Variants in NRG3 observed in about 807,000 individuals in gnomAD.
The protein encoded by NRG3 is neuregulin 3.
Under a neutral mutation model 66.9 loss-of-function variants are expected in NRG3, and 31 were observed. The observed-to-expected ratio is 0.46, with a 90% CI of 0.35 to 0.63. The LOEUF is 0.63. Among genes scored for constraint, NRG3 ranks in the 20% least tolerant of loss-of-function variants. The probability of loss-of-function intolerance (pLI) is 0.00; values close to 1 mark genes in which losing one functional copy is unlikely to be tolerated. For missense variants in NRG3, 910 were observed against 878.9 expected (o/e 1.04, Z -0.45); for synonymous variants, 393 against 359.4 (o/e 1.09, Z -1.06).
intron 2 of NRG3, among the ~76,000 whole-genome samples, chr10:82,549,769 A>G (rs1414809574): frequency 6.6e-6 from 1 of 152,120 alleles, no homozygotes; most frequent in African/African-American, 2.4e-5. Context: ...AGGCATATTT[A>G]TAACATCAGT....
At chr10:82,309,330 T>C (rs1448426659) in intron 1 of NRG3, among the ~76,000 whole-genome samples, 1 of 152,226 alleles carries the variant, frequency 6.6e-6, no homozygotes, top group African/African-American at 2.4e-5. Context: ...TCTATACTTA[T>C]AAACTTCCAG....
At chr10:81,964,395 C>CAAAAAA (rs58231167) in intron 1 of NRG3, among the ~76,000 whole-genome samples, 5 of 65,836 alleles carry the variant, frequency 7.6e-5, no homozygotes, top group Non-Finnish European at 1.6e-4. Flanking sequence ...GACTCTGTCT[C>CAAAAAA]AAAAAAAAAA....
At chr10:82,352,879 A>G (rs952320884) in intron 1 of NRG3, among the ~76,000 whole-genome samples, 5 of 134,592 alleles carry the variant, frequency 3.7e-5, no homozygotes, top group Admixed American at 7.3e-5. Context: ...ACTGATTGCT[A>G]TGTGGTTTTT....
intron 2 of NRG3, among the ~76,000 whole-genome samples, chr10:82,698,876 G>C (rs79902289): frequency 0.022 from 3,353 of 152,230 alleles, 142 homozygotes; most frequent in African/African-American, 0.077. Flanking sequence ...AAACTTATTT[G>C]ATGAGAAGAT....
intron 2 of NRG3, among the ~76,000 whole-genome samples, chr10:82,498,757 C>T (rs1226554924): frequency 6.6e-6 from 1 of 152,084 alleles, no homozygotes; most frequent in Non-Finnish European, 1.5e-5. Flanking sequence ...TTGCCTGTTG[C>T]CTGTCACTCA....
intron 3 of NRG3, among the ~76,000 whole-genome samples, chr10:82,816,208 G>A (rs1340895323): frequency 6.6e-6 from 1 of 152,190 alleles, no homozygotes; most frequent in Non-Finnish European, 1.5e-5. Flanking sequence ...CATGTTTTTT[G>A]TTACAGCTCT....
chr10:82,709,920 T>G (rs1591266010), intron 2 of NRG3, among the ~76,000 whole-genome samples: 2 of 152,224 alleles, frequency 1.3e-5, no homozygotes, highest in African/African-American at 4.8e-5. Context: ...AGTTTTCCTT[T>G]ATATTTTAAC....
At chr10:82,161,481 C>T (rs1249369748) in intron 1 of NRG3, among the ~76,000 whole-genome samples, 1 of 151,984 alleles carries the variant, frequency 6.6e-6, no homozygotes, top group Non-Finnish European at 1.5e-5. Context: ...TTTAGTAGGC[C>T]AGCACTTTGC....
At chr10:82,928,623 T>G (rs893117403) in intron 4 of NRG3, among the ~76,000 whole-genome samples, 2 of 117,782 alleles carry the variant, frequency 1.7e-5, no homozygotes, top group Admixed American at 9.0e-5. Flanking sequence ...TTTTTTTTTT[T>G]TTAAAAGTAA....
intron 2 of NRG3, among the ~76,000 whole-genome samples, chr10:82,521,706 G>A (rs1181945448): frequency 2.0e-5 from 3 of 152,120 alleles, no homozygotes; most frequent in Non-Finnish European, 2.9e-5. Context: ...TTTCGTGAAA[G>A]ATTTCTCTGT....
At chr10:82,309,467 A>AG (rs2080913631) in intron 1 of NRG3, among the ~76,000 whole-genome samples, 1 of 109,416 alleles carries the variant, frequency 9.1e-6, no homozygotes, top group Non-Finnish European at 2.1e-5. Flanking sequence ...TTTGCATTAC[A>AG]AAAAAAAAAA....
chr10:82,504,870 T>A (rs1341450154), intron 2 of NRG3, among the ~76,000 whole-genome samples: 1 of 152,080 alleles, frequency 6.6e-6, no homozygotes, highest in African/African-American at 2.4e-5. Flanking sequence ...CACTTTTTTT[T>A]ACTTTTTTTT....
intron 1 of NRG3, among the ~76,000 whole-genome samples, chr10:81,947,505 A>G (rs1323411961): frequency 1.3e-5 from 2 of 151,376 alleles, no homozygotes; most frequent in Admixed American, 6.6e-5. Context: ...GCAGGGCCTC[A>G]CTCTCCCCAT....
intron 2 of NRG3, among the ~76,000 whole-genome samples, chr10:82,363,786 A>G (rs1319188954): frequency 6.6e-6 from 1 of 152,194 alleles, no homozygotes; most frequent in Non-Finnish European, 1.5e-5. Flanking sequence ...ATTTATTTGT[A>G]GGGATGCTCA....
chr10:82,006,226 TC>T (rs2133730964), intron 1 of NRG3, among the ~76,000 whole-genome samples: 2 of 152,244 alleles, frequency 1.3e-5, no homozygotes, highest in South Asian at 4.1e-4. Context: ...GACAAAGAGA[TC>T]TTTGACATAT....
At chr10:82,124,257 TG>T (rs1198510241) in intron 1 of NRG3, among the ~76,000 whole-genome samples, 1 of 151,976 alleles carries the variant, frequency 6.6e-6, no homozygotes, top group Non-Finnish European at 1.5e-5. Flanking sequence ...CTACCATCTT[TG>T]GCAGGTAACT....
chr10:82,102,906 A>G (rs191097019), intron 1 of NRG3, among the ~76,000 whole-genome samples: 1 of 152,152 alleles, frequency 6.6e-6, no homozygotes, highest in East Asian at 1.9e-4. Context: ...AAAGTCTACT[A>G]TATTATTCGA....
chr10:82,298,322 G>T (rs2080199011), intron 1 of NRG3, among the ~76,000 whole-genome samples: 1 of 151,964 alleles, frequency 6.6e-6, no homozygotes, highest in Non-Finnish European at 1.5e-5. Flanking sequence ...CTAATCCTCA[G>T]ATCTATTTCT....
At chr10:82,138,705 G>A (rs897381659) in intron 1 of NRG3, among the ~76,000 whole-genome samples, 1 of 152,148 alleles carries the variant, frequency 6.6e-6, no homozygotes, top group Non-Finnish European at 1.5e-5. Flanking sequence ...AGCCTACAGT[G>A]CAGTCTTCAG....
Sources: allele counts gnomAD v4.1 joint callset (sites outside exome capture counted in the v4.1 genomes callset), GRCh38; gene constraint gnomAD v4.1.1; transcripts MANE v1.5; gene names NCBI Gene and HGNC (gene_info 2026-07-23, HGNC 2026-07-21).